The following MTMR1 variants were observed in gnomAD, a reference collection of about 807,000 sequenced individuals.
MTMR1 encodes myotubularin related protein 1.
In MTMR1, 17 loss-of-function variants were observed where a neutral mutation model predicts 51.6. The ratio of observed to expected loss-of-function variants is 0.33; its 90% CI spans 0.23 to 0.49. The LOEUF is 0.49. Ranked by LOEUF, MTMR1 falls within the 20% of genes least tolerant of loss-of-function variation. The pLI, the probability that MTMR1 is intolerant of heterozygous loss-of-function variation, is 0.99. For synonymous variants in MTMR1, 201 were observed against 205.6 expected (o/e 0.98, Z 0.19); for missense variants, 386 against 526.9 (o/e 0.73, Z 2.62).
At chrX:150,758,613 A>C (rs1180632847) in intron 15 of MTMR1, among the ~76,000 whole-genome samples, 2 of 111,424 alleles carry the variant, frequency 1.8e-5, no homozygotes, top group Non-Finnish European at 3.8e-5. Context: ...CAACATGGCA[A>C]AACCCTGTCT....
chrX:150,757,474 C>T (rs1355369041), intron 15 of MTMR1, among the ~76,000 whole-genome samples: 1 of 112,572 alleles, frequency 8.9e-6, no homozygotes, highest in Non-Finnish European at 1.9e-5. Context: ...ACCCTTACGA[C>T]CTCAGGAGTG....
At chrX:150,752,708 A>G (rs782701948) in intron 14 of MTMR1, among the ~76,000 whole-genome samples, 6 of 104,776 alleles carry the variant, frequency 5.7e-5, no homozygotes, top group Non-Finnish European at 1.2e-4. Flanking sequence ...CATAATTTAC[A>G]TACCATAAAA....
chrX:150,695,952 C>G (rs1557415719), intron 1 of MTMR1, among the ~76,000 whole-genome samples: 1 of 111,610 alleles, frequency 9.0e-6, no homozygotes, highest in African/African-American at 3.3e-5. Flanking sequence ...GGGTGGACTC[C>G]AAGGCAAACC....
chrX:150,718,809 T>A, intron 4 of MTMR1, 109 bp downstream of exon 4: 1 of 722,875 alleles, frequency 1.4e-6, no homozygotes, highest in Non-Finnish European at 2.0e-6. Context: ...CCAACTTAAT[T>A]AGGGGACAAA....
chrX:150,759,387 G>A (rs782555598), intron 15 of MTMR1, among the ~76,000 whole-genome samples: 3 of 110,955 alleles, frequency 2.7e-5, no homozygotes, highest in Non-Finnish European at 5.7e-5. Flanking sequence ...GATATTCTTG[G>A]TGACTCAAAG....
intron 13 of MTMR1, among the ~76,000 whole-genome samples, chrX:150,750,471 C>G (rs2042695561): frequency 9.0e-6 from 1 of 111,460 alleles, no homozygotes; most frequent in Non-Finnish European, 1.9e-5. Context: ...CTCTGTCCTG[C>G]CGCCATGGTG....
At chrX:150,713,772 A>G (rs1197920690) in intron 3 of MTMR1, among the ~76,000 whole-genome samples, 1 of 112,065 alleles carries the variant, frequency 8.9e-6, no homozygotes, top group African/African-American at 3.2e-5. Context: ...ATTGGAAAAA[A>G]TTAAAGATGT....
At chrX:150,693,328 C>CCCCGCCCCCGCT (rs1396982921), upstream of MTMR1, 4 of 433,807 alleles carry the variant, frequency 9.2e-6, no homozygotes, top group South Asian at 1.2e-4. Flanking sequence ...GCGCCGCCCT[C>CCCCGCCCCCGCT]CCCGCCCCCG....
At chrX:150,693,794 G>A (rs1293647460) in intron 1 of MTMR1, 118 bp downstream of exon 1, 5 of 487,322 alleles carry the variant, frequency 1.0e-5, no homozygotes, top group Non-Finnish European at 1.0e-5. Context: ...GGGGTGGGCG[G>A]CCCCTCTTCA....
intron 3 of MTMR1, among the ~76,000 whole-genome samples, chrX:150,716,505 T>C (rs2041521520): frequency 8.8e-6 from 1 of 113,005 alleles, no homozygotes; most frequent in Non-Finnish European, 1.9e-5. Context: ...CAAAAAATTT[T>C]GGCAGAAAAT....
chrX:150,742,271 G>A (rs2148649886), intron 12 of MTMR1, among the ~76,000 whole-genome samples: 1 of 111,855 alleles, frequency 8.9e-6, no homozygotes, highest in Non-Finnish European at 1.9e-5. Context: ...AACCTGTGTG[G>A]CATGTGACTA....
chrX:150,735,653 T>TA (rs1381073635), intron 10 of MTMR1: 2 of 352,944 alleles, frequency 5.7e-6, no homozygotes, highest in Non-Finnish European at 4.9e-6. Context: ...AAAAAAAACT[T>TA]ATTGTTACTA....
intron 2 of MTMR1, among the ~76,000 whole-genome samples, chrX:150,709,008 G>T (rs1162637089): frequency 9.0e-6 from 1 of 111,496 alleles, no homozygotes; most frequent in Non-Finnish European, 1.9e-5. Flanking sequence ...GTCTTCTAAT[G>T]AGGCCTAGAT....
At chrX:150,724,978 T>C (rs1201099641) in intron 4 of MTMR1, among the ~76,000 whole-genome samples, 1 of 112,376 alleles carries the variant, frequency 8.9e-6, no homozygotes, top group Non-Finnish European at 1.9e-5. Context: ...TTTTGGTTAC[T>C]GTGGGCCTGT....
At chrX:150,751,058 G>A in intron 14 of MTMR1, 5 of 1,146,056 alleles carry the variant, frequency 4.4e-6, no homozygotes, top group Middle Eastern at 2.5e-4. Context: ...CAGCGAGCCC[G>A]TGGCTCTCTC....
intron 3 of MTMR1, among the ~76,000 whole-genome samples, chrX:150,715,386 C>A (rs1557416364): frequency 8.9e-6 from 1 of 112,099 alleles, no homozygotes; most frequent in Admixed American, 9.4e-5. Flanking sequence ...GGGATGAGGT[C>A]ATCAGAGGGA....
chrX:150,727,197 T>C lies in MTMR1; in HGVS notation c.353-18T>C, dbSNP rs1557416801. The C allele has an allele frequency of 8.8e-7, 1 of 1,130,786 alleles. No individual in the cohort carries two copies. The highest frequency in any genetic ancestry group is 1.9e-5 in the South Asian group (1 of 52,483). 93.2% of individuals were successfully genotyped at this position (1,130,786 alleles called of 1,213,427 possible). A position where few individuals can be genotyped will look rare whatever the true frequency, so the allele number is the denominator to read the frequency against. On this transcript the variant is annotated intron_variant, in intron 4 of 15. Transcript: ENST00000445323. Reference sequence around the variant, plus strand: ...CAAGTCTATGGCAGTAGTTGCTACTTTGGCCTTTTTCTTTCAGTGAAAGAT... The same window carrying C: ...CAAGTCTATGGCAGTAGTTGCTACTCTGGCCTTTTTCTTTCAGTGAAAGAT...
At chrX:150,742,607 G>C (rs2042455655) in intron 12 of MTMR1, among the ~76,000 whole-genome samples, 1 of 110,135 alleles carries the variant, frequency 9.1e-6, no homozygotes, top group Non-Finnish European at 1.9e-5. Context: ...ACGAGGTCAG[G>C]AGATCGAGAC....
intron 1 of MTMR1, among the ~76,000 whole-genome samples, chrX:150,698,680 G>GCA (rs1214335904): frequency 0.11 from 6,837 of 62,781 alleles, 317 homozygotes; most frequent in Non-Finnish European, 0.15. Context: ...ACACGCGCGC[G>GCA]CACACACACA....
Sources: gnomAD v4.1 joint callset for allele counts (sites outside exome capture counted in the v4.1 genomes callset) on GRCh38, gnomAD v4.1.1 for gene constraint, MANE v1.5 for transcripts, NCBI Gene and HGNC (gene_info 2026-07-23, HGNC 2026-07-21) for gene names.